DOT1L: variants seen among roughly 807,000 people sequenced by gnomAD.
The protein encoded by DOT1L is DOT1 like histone lysine methyltransferase, also known as histone-lysine N-methyltransferase, H3 lysine-79 specific.
Under a neutral mutation model 153.3 loss-of-function variants are expected in DOT1L, and 33 were observed. The ratio of observed to expected loss-of-function variants is 0.22; its 90% CI spans 0.16 to 0.29. The LOEUF (loss-of-function observed/expected upper bound fraction) is 0.29. Among genes scored for constraint, DOT1L ranks in the 10% least tolerant of loss-of-function variants. The pLI is 1.00. For missense variants in DOT1L, 1,847 were observed against 2,119.9 expected, an observed-to-expected ratio of 0.87 and a Z score of 2.53; for synonymous variants, 1,135 against 965.1, an observed-to-expected ratio of 1.18 and a Z score of -3.26.
chr19:2,226,048 C>T (rs1285866917), intron 26 of DOT1L, 135 bp from the exon 27 acceptor site: 8 of 955,830 alleles, frequency 8.4e-6, no homozygotes, highest in South Asian at 1.9e-5. Context: ...CATCCTGTCC[C>T]GCTTGGCATC....
rs534460077 is a variant in DOT1L at position 2,180,073 on chromosome 19, G to A, written c.82-640G>A. 5.3e-5 allele frequency among the ~76,000 whole-genome samples: 8 copies of A among 152,296 alleles called. No individual in the cohort carries two copies. In the South Asian group the frequency reaches 8.3e-4, roughly 16 times the overall value. On this transcript the variant is annotated intron_variant, in intron 1 of 27. Transcript: ENST00000398665. ...GGGAGCGAAGGGCAGGGTGCTGGAC[G>A]GGGAGGGATCTGTGTTAGGCCAAGG... is the stretch of plus-strand genomic sequence containing the variant.
At chr19:2,210,377 G>A in intron 12 of DOT1L, 23 bp from the exon 13 acceptor site, 1 of 1,502,438 alleles carries the variant, frequency 6.7e-7, no homozygotes, top group Non-Finnish European at 8.9e-7. Context: ...GGCTTCCTGT[G>A]GCTCAACCTG....
At chr19:2,173,576 C>T (rs1002799617) in intron 1 of DOT1L, among the ~76,000 whole-genome samples, 2 of 152,308 alleles carry the variant, frequency 1.3e-5, no homozygotes, top group Admixed American at 6.5e-5. Context: ...AAACCTGGAA[C>T]GTGCAGACAC....
At chr19:2,228,225 G>C in intron 27 of DOT1L, 2 of 1,363,358 alleles carry the variant, frequency 1.5e-6, no homozygotes, top group South Asian at 2.3e-5. Context: ...GCCCCGGCTG[G>C]CCCTGGCCCA....
chr19:2,194,584 G>T lies in DOT1L; in HGVS notation c.651+7G>T. On this transcript the variant is annotated splice_region_variant and intron_variant, in intron 7 of 27. Transcript: ENST00000398665. ...AAAGCATGCAGAATACACAGTGAGT[G>T]CCATCGCTCCGCCCCGGCTCCCATC... 6.2e-7 allele frequency: 1 copy of T among 1,610,800 alleles called. No homozygotes were observed. The highest frequency in any genetic ancestry group is 8.5e-7 in the Non-Finnish European group (1 of 1,179,802).
chr19:2,207,465 A>C lies in DOT1L; in HGVS notation c.857-109A>C. ...CTGACGCAGTGTGGGAGAAGAGGGA[A>C]GACGCGCAGCTCAGGCTTCTGTCCC... On this transcript the variant is annotated intron_variant, in intron 10 of 27. Transcript: ENST00000398665. This position sits in a 1 kb window ranked among gnomAD's most constrained non-coding sequence, Gnocchi z 4.5. 2.3e-6 allele frequency: 2 copies of C among 875,112 alleles called. No homozygotes were observed. Among genetic ancestry groups the C allele is most frequent in the South Asian group, 1.7e-5 (1 of 60,434 alleles). The allele number at this position is 875,112 out of a possible 1,614,324, so 54.2% of individuals were successfully genotyped here.
At chr19:2,209,689 A>G (rs1045409737) in intron 12 of DOT1L, among the ~76,000 whole-genome samples, 1 of 152,226 alleles carries the variant, frequency 6.6e-6, no homozygotes, top group African/African-American at 2.4e-5. Flanking sequence ...TTGCCACCAA[A>G]GCTGAGAGGA....
chr19:2,174,970 G>GTA (rs2021842806), intron 1 of DOT1L, among the ~76,000 whole-genome samples: 1 of 103,104 alleles, frequency 9.7e-6, no homozygotes, highest in African/African-American at 4.6e-5. Context: ...GTGTGTGTGT[G>GTA]TGTGTGTGTG....
intron 27 of DOT1L, chr19:2,227,438 C>T (rs899338408): frequency 1.6e-6 from 1 of 611,066 alleles, no homozygotes; most frequent in Admixed American, 2.2e-5. Flanking sequence ...GCCGCCCGGG[C>T]TCTGGCAAGG....
At chr19:2,188,479 C>T (rs1348480327) in intron 3 of DOT1L, among the ~76,000 whole-genome samples, 13 of 114,920 alleles carry the variant, frequency 1.1e-4, no homozygotes, top group South Asian at 3.3e-4. Context: ...CCCCAGCCGC[C>T]GCCCCCCCCC....
At chr19:2,202,567 T>C in intron 8 of DOT1L, 133 bp from the exon 9 acceptor site, 1 of 839,156 alleles carries the variant, frequency 1.2e-6, no homozygotes, top group South Asian at 1.6e-5. Flanking sequence ...CTCAGCTGCG[T>C]GGGCTTGGCC....
Position 2,232,446 on chromosome 19 carries a change from G to A in DOT1L, c.*2654G>A, listed in dbSNP as rs1034813777. On this transcript the variant is annotated 3_prime_UTR_variant, in exon 28 of 28. Transcript: ENST00000398665. ...CGTGGGAGGCTCTGCCGTGTCTTCC[G>A]GGTGAACTGTATTTGGATTGCGCGC... 9.1e-6 allele frequency: 2 copies of A among 220,502 alleles called. No individual in the cohort carries two copies. Among genetic ancestry groups the A allele is most frequent in the East Asian group, 1.3e-4 (2 of 15,234 alleles). 13.7% of individuals were successfully genotyped at this position (220,502 alleles called of 1,614,324 possible).
Position 2,213,835 on chromosome 19 carries a change from C to A in DOT1L, c.1660-14C>A. ...GGCCACCAGCATGACCTCTCCCCCG[C>A]CCCATGTCCCCAGCTGGGTGTGAAG... On this transcript the variant is annotated splice_polypyrimidine_tract_variant and intron_variant, in intron 17 of 27. Coordinates refer to ENST00000398665, the MANE Select transcript of DOT1L (RefSeq NM_032482.3). The A allele has an allele frequency of 6.2e-7, 1 of 1,612,986 alleles. No individual in the cohort carries two copies.
At chr19:2,192,705 G>C (rs894624913) in intron 5 of DOT1L, among the ~76,000 whole-genome samples, 1 of 151,418 alleles carries the variant, frequency 6.6e-6, no homozygotes, top group Non-Finnish European at 1.5e-5. Context: ...GGGCATATCT[G>C]GCTGGGCTCT....
Position 2,220,932 on chromosome 19 carries a change from T to C in DOT1L, c.2806+710T>C. 1 of 230,516 alleles carries C rather than the reference T, an allele frequency of 4.3e-6. No individual in the cohort carries two copies. Among genetic ancestry groups the C allele is most frequent in the Non-Finnish European group, 8.8e-6 (1 of 113,126 alleles). 14.3% of individuals were successfully genotyped at this position (230,516 alleles called of 1,614,324 possible). A position where few individuals can be genotyped will look rare whatever the true frequency, so the allele number is the denominator to read the frequency against. ...GGCTCATGCCTGTAATCCCAGCACC[T>C]TGGGATGCCGAGGTGGGCGGATCAC... On this transcript the variant is annotated intron_variant, in intron 23 of 27. Transcript: ENST00000398665. This position sits in a 1 kb window ranked among gnomAD's most constrained non-coding sequence, Gnocchi z 4.5.
chr19:2,164,341 C>G (rs891895394), intron 1 of DOT1L, 76 bp downstream of exon 1: 3 of 1,064,272 alleles, frequency 2.8e-6, no homozygotes, highest in South Asian at 4.7e-5. Flanking sequence ...CCAAACCCCC[C>G]CAAGCCGCGC....
chr19:2,165,158 G>A (rs1370099155), intron 1 of DOT1L, among the ~76,000 whole-genome samples: 1 of 152,210 alleles, frequency 6.6e-6, no homozygotes, highest in East Asian at 1.9e-4. Context: ...CACGCTCCGG[G>A]CTGGGCAGGG....
In DOT1L at chr19:2,210,850, C is replaced by G. The variant is rs2144834039; in HGVS notation, c.1346C>G (p.Pro449Arg). ...QTVSQTAASSPQDAYRSPHSP... is the reference protein window; with the variant it reads ...QTVSQTAASSRQDAYRSPHSP... ...GTGTCTCAGACGGCGGCCTCCTCAC[C>G]CCAGGGTGAGCCGCCCCCACGCCAC... The change falls in exon 14 of 28, where the codon CCC (proline) becomes CGC (arginine). Residue 449 changes from proline (P) to arginine (R), a missense_variant. This residue lies in a region of DOT1L where 205 missense variants were observed against 203.1 expected (regional missense o/e 1.01). Transcript: ENST00000398665. 6.2e-7 allele frequency: 1 copy of G among 1,612,100 alleles called. No homozygotes were observed. Among genetic ancestry groups the G allele is most frequent in the Non-Finnish European group, 8.5e-7 (1 of 1,179,568 alleles).
At position 2,213,934 on chromosome 19, in the gene DOT1L, C is replaced by G. The variant is rs372611602; in HGVS notation, c.1745C>G (p.Ser582Trp). 1.1e-5 allele frequency: 18 copies of G among 1,613,024 alleles called. No homozygotes were observed. In the South Asian group the frequency reaches 1.6e-4, roughly 15 times the overall value. Residue 582 changes from serine to tryptophan, a missense_variant, in exon 18 of 28, where the codon TCG becomes TGG. Around this residue, in one of 8 missense-constraint regions of DOT1L, gnomAD observed 156 missense variants for 235.7 expected, o/e 0.66. Coordinates refer to ENST00000398665, the MANE Select transcript of DOT1L (RefSeq NM_032482.3). ...SAHNQQLREQSEQLEQDNRAL... is the reference protein window; with the variant it reads ...SAHNQQLREQWEQLEQDNRAL... ...CATAACCAGCAGCTGCGGGAGCAGT[C>G]GGAGCAGCTGGAGCAGGACAACCGC...
Sources: allele counts gnomAD v4.1 joint callset (sites outside exome capture counted in the v4.1 genomes callset), GRCh38; gene constraint gnomAD v4.1.1; regional missense constraint gnomAD v4.1.1; non-coding constraint Gnocchi (gnomAD v3.1); transcripts MANE v1.5; gene names NCBI Gene and HGNC (gene_info 2026-07-23, HGNC 2026-07-21).